Variants in CELSR1 observed in about 807,000 individuals in gnomAD.
The protein encoded by CELSR1 is adhesion G protein-coupled receptor C1.
In CELSR1, 110 loss-of-function variants were observed where a neutral mutation model predicts 249.1. The ratio of observed to expected loss-of-function variants is 0.44; its 90% CI spans 0.38 to 0.52. The LOEUF (loss-of-function observed/expected upper bound fraction) is 0.52. Among genes scored for constraint, CELSR1 ranks in the 20% least tolerant of loss-of-function variants. CELSR1 has a pLI of 0.00. For missense variants in CELSR1, 4,109 were observed against 4,296.4 expected (o/e 0.96, Z 1.22); for synonymous variants, 2,113 against 1,900.0 (o/e 1.11, Z -2.92).
chr22:46,391,934 C>T lies in CELSR1; in HGVS notation c.5965-118G>A, dbSNP rs2079097644. 5 of 1,086,322 alleles carry T rather than the reference C, an allele frequency of 4.6e-6. No individual in the cohort carries two copies. Among genetic ancestry groups the T allele is most frequent in the African/African-American group, 1.6e-5 (1 of 61,546 alleles). 67.3% of individuals were successfully genotyped at this position (1,086,322 alleles called of 1,614,324 possible). ...CCGGGTGTGTGTGTTGGCCGCCAGC[C>T]ATCCCACCCCTCATGGCTACCCTCT... On this transcript the variant is annotated intron_variant, in intron 14 of 34. Coordinates refer to ENST00000674500, the MANE Select transcript of CELSR1 (RefSeq NM_001378328.1). The surrounding 1 kb of genome is among the most constrained non-coding windows in gnomAD (Gnocchi z 4.3).
chr22:46,373,319 T>G (rs994293769), intron 24 of CELSR1, among the ~76,000 whole-genome samples: 14 of 151,960 alleles, frequency 9.2e-5, no homozygotes, highest in African/African-American at 3.4e-4. Context: ...AGAGAGAGAC[T>G]AGTCTCTGAG....
intron 1 of CELSR1, among the ~76,000 whole-genome samples, chr22:46,531,619 T>C (rs2147816942): frequency 6.6e-6 from 1 of 152,364 alleles, no homozygotes; most frequent in Non-Finnish European, 1.5e-5. Context: ...GGCTGCTTTC[T>C]GCGGATCGTG....
chr22:46,404,871 C>G lies in CELSR1; in HGVS notation c.5226+4125G>C, dbSNP rs574988822. Among the ~76,000 whole-genome samples the G allele has an allele frequency of 4.6e-5, 7 of 152,254 alleles. No homozygotes were observed. In the East Asian group the frequency reaches 1.2e-3, roughly 25 times the overall value. ...GACAGTTTCGCTCTTGTTACCCAGG[C>G]TGGAGTACAGTGGTATAACCTTGGC... On this transcript the variant is annotated intron_variant, in intron 9 of 34. Transcript: ENST00000674500.
At chr22:46,404,416 A>AAAAAAG (rs1160161214) in intron 9 of CELSR1, among the ~76,000 whole-genome samples, 5 of 152,166 alleles carry the variant, frequency 3.3e-5, no homozygotes, top group Admixed American at 3.3e-4. Context: ...CATTTCAAAA[A>AAAAAAG]AAAAAGAAAA....
In CELSR1 at chr22:46,409,261, G is replaced by T; in HGVS notation, c.5060-99C>A. On this transcript the variant is annotated intron_variant, in intron 8 of 34. Coordinates refer to ENST00000674500, the MANE Select transcript of CELSR1 (RefSeq NM_001378328.1). The surrounding 1 kb of genome is among the most constrained non-coding windows in gnomAD (Gnocchi z 9.8). Reference sequence around the variant, plus strand: ...GGATGGGCCTGCAGGCTAGGCCTGGGCCTTTTTCACTTTAACACGAAGGTG... The same window carrying T: ...GGATGGGCCTGCAGGCTAGGCCTGGTCCTTTTTCACTTTAACACGAAGGTG... 2.3e-6 allele frequency: 3 copies of T among 1,314,414 alleles called. No individual in the cohort carries two copies. The highest frequency in any genetic ancestry group is 1.5e-5 in the African/African-American group (1 of 67,124). The allele number at this position is 1,314,414 out of a possible 1,614,324, so 81.4% of individuals were successfully genotyped here. A position where few individuals can be genotyped will look rare whatever the true frequency, so the allele number is the denominator to read the frequency against.
intron 18 of CELSR1, 42 bp downstream of exon 18, chr22:46,389,248 T>A (rs754724404): frequency 1.3e-6 from 2 of 1,592,102 alleles, no homozygotes; most frequent in East Asian, 4.5e-5. Flanking sequence ...CATCCGAGTG[T>A]CCCCGAGTGT....
Position 46,406,611 on chromosome 22 carries a change from C to T in CELSR1, c.5226+2385G>A, listed in dbSNP as rs1422561380. Among the ~76,000 whole-genome samples, 1 of 152,228 alleles carries T rather than the reference C, an allele frequency of 6.6e-6. No homozygotes were observed. Among genetic ancestry groups the T allele is most frequent in the Non-Finnish European group, 1.5e-5 (1 of 68,038 alleles). ...GTGCTGGGCAGTCCCTCTGTCCACC[C>T]GCCAACCCTCATGCCAATCTTGGCT... On this transcript the variant is annotated intron_variant, in intron 9 of 34. Transcript: ENST00000674500. This position sits in a 1 kb window ranked among gnomAD's most constrained non-coding sequence, Gnocchi z 5.4.
rs538085287 is a variant in CELSR1 at position 46,374,483 on chromosome 22, T to C, written c.7585-1426A>G. On this transcript the variant is annotated intron_variant, in intron 24 of 34. Coordinates refer to ENST00000674500, the MANE Select transcript of CELSR1 (RefSeq NM_001378328.1). This position sits in a 1 kb window ranked among gnomAD's most constrained non-coding sequence, Gnocchi z 4.3. ...TGAAAAACCTCGCCCAGAGATAGGA[T>C]TGTGGGTTTACAAAAAAACCATAAA... is the stretch of plus-strand genomic sequence containing the variant. Among the ~76,000 whole-genome samples the C allele has an allele frequency of 1.3e-4, 20 of 152,136 alleles. No homozygotes were observed. The South Asian group carries it at 3.5e-3, about 27-fold the overall frequency.
rs1020904022 is a variant in CELSR1, at chr22:46,537,414, G to A, written c.-244C>T. 1.3e-5 allele frequency among the ~76,000 whole-genome samples: 2 copies of A among 148,916 alleles called. No homozygotes were observed. Among genetic ancestry groups the A allele is most frequent in the African/African-American group, 4.9e-5 (2 of 41,032 alleles). On this transcript the variant is annotated 5_prime_UTR_variant, in exon 1 of 35. Transcript: ENST00000674500. This position sits in a 1 kb window ranked among gnomAD's most constrained non-coding sequence, Gnocchi z 5.8. ...AAGTTGGTTTCAAGATGGCTCCTCC[G>A]CGCGTCCCGGGAGGGCGCCGCGCAT... is the stretch of plus-strand genomic sequence containing the variant.
chr22:46,534,239 G>T lies in CELSR1; in HGVS notation c.2932C>A (p.Pro978Thr). 1 of 1,613,702 alleles carries T rather than the reference G, an allele frequency of 6.2e-7. No individual in the cohort carries two copies. ...ALAVDRGSPT[P>T]LSASVEIQVT... is the part of the protein sequence containing the mutation. ...TGGATTTCTACCGAGGCGCTAAGGG[G>T]AGTGGGACTGCCCCGATCCACAGCC... The change falls in exon 1 of 35, where the codon CCC becomes ACC. Residue 978 changes from proline (P) to threonine (T), a missense_variant. Transcript: ENST00000674500. This position sits in a 1 kb window ranked among gnomAD's most constrained non-coding sequence, Gnocchi z 9.7.
chr22:46,391,523 A>T lies in CELSR1; in HGVS notation c.6148+110T>A, dbSNP rs2079090847. On this transcript the variant is annotated intron_variant, in intron 15 of 34. Coordinates refer to ENST00000674500, the MANE Select transcript of CELSR1 (RefSeq NM_001378328.1). The surrounding 1 kb of genome is among the most constrained non-coding windows in gnomAD (Gnocchi z 4.3). ...GAAGGTCAAGAGAACTCAGAACACG[A>T]GGGAGCCCAGGGTCCCCCAAACACC... 10 of 1,279,564 alleles carry T rather than the reference A, an allele frequency of 7.8e-6. No homozygotes were observed. Among genetic ancestry groups the T allele is most frequent in the Non-Finnish European group, 1.0e-5 (10 of 954,300 alleles). The allele number at this position is 1,279,564 out of a possible 1,614,324, so 79.3% of individuals were successfully genotyped here. A position where few individuals can be genotyped will look rare whatever the true frequency, so the allele number is the denominator to read the frequency against.
intron 5 of CELSR1, among the ~76,000 whole-genome samples, chr22:46,416,237 G>C (rs879630980): frequency 1.3e-5 from 2 of 152,232 alleles, no homozygotes; most frequent in Non-Finnish European, 2.9e-5. Context: ...GGTTGTGTCT[G>C]AGTTTTTTCT....
Position 46,364,206 on chromosome 22 carries a change from GTCA to G in CELSR1, c.8822_8824del (p.Leu2941_Thr2942delinsPro). The G allele has an allele frequency of 6.2e-7, 1 of 1,611,110 alleles. No individual in the cohort carries two copies. The highest frequency in any genetic ancestry group is 1.1e-5 in the South Asian group (1 of 91,054). On this transcript the variant is annotated inframe_deletion, in exon 34 of 35. Coordinates refer to ENST00000674500, the MANE Select transcript of CELSR1 (RefSeq NM_001378328.1). The stretch of plus-strand genomic sequence containing the variant: ...GAGCCGGCCCTTCAGCGTCTGCTCC[GTCA>G]GCGTCAGCGGCGGCGGGTAGGTGAC...
At chr22:46,455,581 G>A (rs1238037380) in intron 2 of CELSR1, among the ~76,000 whole-genome samples, 3 of 152,176 alleles carry the variant, frequency 2.0e-5, no homozygotes, top group African/African-American at 4.8e-5. Context: ...GATTTCAGGC[G>A]TGAACCACTG....
At position 46,506,550 on chromosome 22, in the gene CELSR1, A is replaced by G; in HGVS notation, c.3544+27077T>C. Among the ~76,000 whole-genome samples the G allele has an allele frequency of 6.6e-6, 1 of 152,154 alleles. No homozygotes were observed. The highest frequency in any genetic ancestry group is 1.9e-4 in the East Asian group (1 of 5,192). On this transcript the variant is annotated intron_variant, in intron 1 of 34. Transcript: ENST00000674500. This position sits in a 1 kb window ranked among gnomAD's most constrained non-coding sequence, Gnocchi z 4.1. Reference sequence around the variant, plus strand: ...CCAGCCCCAGCCCCCCAAGTCTCACAAGTCCAGAGAGCTGTCTCACCTCCT... The same window carrying G: ...CCAGCCCCAGCCCCCCAAGTCTCACGAGTCCAGAGAGCTGTCTCACCTCCT...
chr22:46,429,360 C>T lies in CELSR1; in HGVS notation c.4611+4033G>A, dbSNP rs1030358792. Among the ~76,000 whole-genome samples the T allele has an allele frequency of 4.6e-5, 7 of 152,126 alleles. No homozygotes were observed. The highest frequency in any genetic ancestry group is 8.8e-5 in the Non-Finnish European group (6 of 68,022). ...GGGAAAAAACAAACAAACAAACAAACAAAAAACCAGCCTGGGGTGAAGCAA... is the reference window on the plus strand; with the variant it reads ...GGGAAAAAACAAACAAACAAACAAATAAAAAACCAGCCTGGGGTGAAGCAA... On this transcript the variant is annotated intron_variant, in intron 5 of 34. Coordinates refer to ENST00000674500, the MANE Select transcript of CELSR1 (RefSeq NM_001378328.1). The surrounding 1 kb of genome is among the most constrained non-coding windows in gnomAD (Gnocchi z 4.1).
At position 46,430,656 on chromosome 22, in the gene CELSR1, C is replaced by T. The variant is rs1011578044; in HGVS notation, c.4611+2737G>A. ...CCAAGGTGGCTGCTGGAGGACAGGA[C>T]CAGAGGTGACATTGGAGACAAAGTG... On this transcript the variant is annotated intron_variant, in intron 5 of 34. Coordinates refer to ENST00000674500, the MANE Select transcript of CELSR1 (RefSeq NM_001378328.1). This position sits in a 1 kb window ranked among gnomAD's most constrained non-coding sequence, Gnocchi z 4.6. 1.3e-5 allele frequency among the ~76,000 whole-genome samples: 2 copies of T among 152,174 alleles called. No individual in the cohort carries two copies. The highest frequency in any genetic ancestry group is 2.9e-5 in the Non-Finnish European group (2 of 68,018).
Position 46,434,996 on chromosome 22 carries a change from CA to C in CELSR1, c.4522+1177del, listed in dbSNP as rs1299845101. Among the ~76,000 whole-genome samples, 1 of 150,404 alleles carries C rather than the reference CA, an allele frequency of 6.6e-6. No individual in the cohort carries two copies. Among genetic ancestry groups the C allele is most frequent in the South Asian group, 2.1e-4 (1 of 4,776 alleles). ...TGGGTGAAAGAGTAAGACTTTGTCT[CA>C]AAAGAAGAACAAAAACAAAAAAAAA... On this transcript the variant is annotated intron_variant, in intron 4 of 34. Coordinates refer to ENST00000674500, the MANE Select transcript of CELSR1 (RefSeq NM_001378328.1). This position sits in a 1 kb window ranked among gnomAD's most constrained non-coding sequence, Gnocchi z 4.9.
At position 46,436,347 on chromosome 22, in the gene CELSR1, C is replaced by T; in HGVS notation, c.4407-58G>A. 1 of 1,355,614 alleles carries T rather than the reference C, an allele frequency of 7.4e-7. No homozygotes were observed. Among genetic ancestry groups the T allele is most frequent in the Non-Finnish European group, 1.0e-6 (1 of 952,586 alleles). The allele number at this position is 1,355,614 out of a possible 1,614,324, so 84.0% of individuals were successfully genotyped here. A position where few individuals can be genotyped will look rare whatever the true frequency, so the allele number is the denominator to read the frequency against. ...GAAGACCCCAGGGTCCAAAGGCTGC[C>T]TAGGAATGACAAGTCCAGCCGGAGG... is the stretch of plus-strand genomic sequence containing the variant. On this transcript the variant is annotated intron_variant, in intron 3 of 34. Coordinates refer to ENST00000674500, the MANE Select transcript of CELSR1 (RefSeq NM_001378328.1). The surrounding 1 kb of genome is among the most constrained non-coding windows in gnomAD (Gnocchi z 5.9).
Sources: allele counts gnomAD v4.1 joint callset (sites outside exome capture counted in the v4.1 genomes callset), GRCh38; gene constraint gnomAD v4.1.1; non-coding constraint Gnocchi (gnomAD v3.1); transcripts MANE v1.5; gene names NCBI Gene and HGNC (gene_info 2026-07-23, HGNC 2026-07-21).